The following DNAJC13 variants were observed in gnomAD, a reference collection of about 807,000 sequenced individuals.
DNAJC13 encodes dnaJ homolog subfamily C member 13.
Under a neutral mutation model 290.5 loss-of-function variants are expected in DNAJC13, and 75 were observed. That is an observed-to-expected ratio of 0.26 (90% CI 0.21 to 0.31). The LOEUF (loss-of-function observed/expected upper bound fraction) is 0.31. Ranked by LOEUF, DNAJC13 falls within the 10% of genes least tolerant of loss-of-function variation. The pLI is 1.00. For synonymous variants in DNAJC13, 862 were observed against 892.0 expected (o/e 0.97, Z 0.60); for missense variants, 2,260 against 2,674.5 (o/e 0.85, Z 3.42).
chr3:132,421,557 G>A (rs1938959932), intron 1 of DNAJC13, among the ~76,000 whole-genome samples: 1 of 151,624 alleles, frequency 6.6e-6, no homozygotes, highest in Non-Finnish European at 1.5e-5. Context: ...TCAGCCTCCT[G>A]AGTAGCTGGG....
At chr3:132,470,844 G>T (rs1442930515) in intron 20 of DNAJC13, among the ~76,000 whole-genome samples, 16 of 120,930 alleles carry the variant, frequency 1.3e-4, no homozygotes, top group Admixed American at 1.6e-4. Context: ...GCGGGGGGCT[G>T]ATCCCCCCAC....
chr3:132,506,244 G>T (rs180862032), intron 42 of DNAJC13, among the ~76,000 whole-genome samples: 1 of 150,824 alleles, frequency 6.6e-6, no homozygotes, highest in Non-Finnish European at 1.5e-5. Flanking sequence ...TAGAGATGGG[G>T]TTTCTCCATG....
In DNAJC13 at chr3:132,496,783, A is replaced by T. The variant is rs887812057; in HGVS notation, c.4156+120A>T. 1.2e-5 allele frequency: 12 copies of T among 961,686 alleles called. No homozygotes were observed. The African/African-American group carries it at 2.1e-4, about 16-fold the overall frequency. The allele number at this position is 961,686 out of a possible 1,614,324, so 59.6% of individuals were successfully genotyped here. On this transcript the variant is annotated intron_variant, in intron 36 of 55. Coordinates refer to ENST00000260818, the MANE Select transcript of DNAJC13 (RefSeq NM_015268.4). ...TAGATTTAGAATTATTGTTTAAAAGATTCTTGGAATTATGTTTTAAATAAA... is the reference window on the plus strand; with the variant it reads ...TAGATTTAGAATTATTGTTTAAAAGTTTCTTGGAATTATGTTTTAAATAAA...
intron 14 of DNAJC13, 54 bp downstream of exon 14, chr3:132,460,411 A>G (rs1286831549): frequency 2.3e-6 from 3 of 1,289,068 alleles, no homozygotes; most frequent in South Asian, 1.3e-5. Flanking sequence ...TTATTGAAAG[A>G]TATTCTAGAA....
intron 34 of DNAJC13, 152 bp from the exon 35 acceptor site, chr3:132,494,936 A>G (rs982282922): frequency 4.4e-6 from 2 of 456,090 alleles, no homozygotes; most frequent in East Asian, 3.5e-5. Flanking sequence ...AAAAAAAAAA[A>G]TCTTAATTCT....
At chr3:132,451,630 T>C (rs1383079212) in intron 6 of DNAJC13, among the ~76,000 whole-genome samples, 1 of 152,194 alleles carries the variant, frequency 6.6e-6, no homozygotes, top group East Asian at 1.9e-4. Flanking sequence ...TTGAACTTAA[T>C]TGCAAAATTC....
At chr3:132,451,733 G>T (rs1490783768) in intron 6 of DNAJC13, among the ~76,000 whole-genome samples, 2 of 152,176 alleles carry the variant, frequency 1.3e-5, no homozygotes, top group Non-Finnish European at 2.9e-5. Flanking sequence ...ATATCGTTCT[G>T]TTGGTAGCAG....
At chr3:132,454,869 T>TA (rs1183809892) in intron 9 of DNAJC13, among the ~76,000 whole-genome samples, 1 of 152,198 alleles carries the variant, frequency 6.6e-6, no homozygotes, top group East Asian at 1.9e-4. Flanking sequence ...TTATGTACGT[T>TA]ATCTTGCTTT....
At chr3:132,435,617 A>C (rs1939365971) in intron 2 of DNAJC13, among the ~76,000 whole-genome samples, 1 of 152,216 alleles carries the variant, frequency 6.6e-6, no homozygotes, top group South Asian at 2.1e-4. Flanking sequence ...ACCCTTTAGA[A>C]TACTTGTCTC....
At chr3:132,511,969 A>G (rs1340454677) in intron 44 of DNAJC13, among the ~76,000 whole-genome samples, 1 of 152,200 alleles carries the variant, frequency 6.6e-6, no homozygotes. Context: ...GTTATTGCCA[A>G]AAAGTTATTT....
intron 5 of DNAJC13, among the ~76,000 whole-genome samples, chr3:132,450,129 C>G (rs1198486108): frequency 6.6e-6 from 1 of 151,328 alleles, no homozygotes; most frequent in Non-Finnish European, 1.5e-5. Context: ...TTAGAAAAGC[C>G]TAAGGTCAAA....
chr3:132,477,788 G>T lies in DNAJC13; in HGVS notation c.2446-1G>T, dbSNP rs1326268084. On this transcript the variant is annotated splice_acceptor_variant, in intron 22 of 55. Transcript: ENST00000260818. LOFTEE classifies it high-confidence loss of function. ...AGTGTAATTTGCTTTTGTTTATGAA[G>T]GTTAAATATGAGTGCCTGGCAGAGG... 6.2e-7 allele frequency: 1 copy of T among 1,602,922 alleles called. No homozygotes were observed. Among genetic ancestry groups the T allele is most frequent in the Non-Finnish European group, 8.5e-7 (1 of 1,175,920 alleles).
intron 55 of DNAJC13, among the ~76,000 whole-genome samples, chr3:132,532,733 TTTTTA>T (rs968394375): frequency 4.6e-5 from 7 of 151,696 alleles, no homozygotes; most frequent in Non-Finnish European, 8.8e-5. Context: ...ATCTGCCTTA[TTTTTA>T]TTTTATTATT....
At chr3:132,520,077 C>T (rs1024672613) in intron 48 of DNAJC13, among the ~76,000 whole-genome samples, 2 of 152,110 alleles carry the variant, frequency 1.3e-5, no homozygotes, top group East Asian at 1.9e-4. Context: ...TACCTCCCAC[C>T]GCGTCCCTCC....
intron 46 of DNAJC13, among the ~76,000 whole-genome samples, chr3:132,515,331 A>C (rs565822077): frequency 4.4e-4 from 67 of 152,130 alleles, no homozygotes; most frequent in Non-Finnish European, 7.8e-4. Flanking sequence ...TCTAGAATTC[A>C]TGTCTGTCCA....
chr3:132,466,157 TTTTTTATTGA>T, intron 18 of DNAJC13, 87 bp downstream of exon 18: 1 of 1,424,428 alleles, frequency 7.0e-7, no homozygotes, highest in Non-Finnish European at 9.8e-7. Context: ...GGATGGTTTG[TTTTTTATTGA>T]AAAGTTATTT....
At position 132,525,628 on chromosome 3, in the gene DNAJC13, T is replaced by C. The variant is rs1161186902; in HGVS notation, c.6079T>C (p.Leu2027=). Residue 2027 remains leucine, a synonymous_variant, in exon 52 of 56, where the codon TTG becomes CTG. Coordinates refer to ENST00000260818, the MANE Select transcript of DNAJC13 (RefSeq NM_015268.4). The part of the protein sequence containing the change: ...NNPHGETLET[L]TMATVCLFSA... Reference sequence around the variant, plus strand: ...CCTGCAGGGAGAAACTCTGGAAACCTTGACAATGGCAACAGTGTGTCTCTT... The same window carrying C: ...CCTGCAGGGAGAAACTCTGGAAACCCTGACAATGGCAACAGTGTGTCTCTT... The C allele has an allele frequency of 1.4e-5, 22 of 1,614,004 alleles. No individual in the cohort carries two copies. Among genetic ancestry groups the C allele is most frequent in the Non-Finnish European group, 1.8e-5 (21 of 1,179,970 alleles).
At chr3:132,489,451 A>C (rs1934993957) in intron 31 of DNAJC13, among the ~76,000 whole-genome samples, 1 of 151,972 alleles carries the variant, frequency 6.6e-6, no homozygotes, top group Non-Finnish European at 1.5e-5. Flanking sequence ...TCCATGTTTC[A>C]TATGCTTTCA....
chr3:132,501,239 G>A (rs552961721), intron 39 of DNAJC13, among the ~76,000 whole-genome samples: 1 of 152,130 alleles, frequency 6.6e-6, no homozygotes, highest in Non-Finnish European at 1.5e-5. Context: ...GGTGGCTCAC[G>A]TCTGTAATCC....
Sources: allele counts gnomAD v4.1 joint callset (sites outside exome capture counted in the v4.1 genomes callset), GRCh38; gene constraint gnomAD v4.1.1; transcripts MANE v1.5; gene names NCBI Gene and HGNC (gene_info 2026-07-23, HGNC 2026-07-21).